Variants in ADCY5 observed in about 807,000 individuals in gnomAD.
ADCY5 encodes the protein adenylate cyclase 5.
In ADCY5, 30 loss-of-function variants were observed where a neutral mutation model predicts 119.7. The observed-to-expected ratio is 0.25, with a 90% confidence interval of 0.19 to 0.34. ADCY5 has a LOEUF of 0.34. ADCY5 is among the 10% of genes least tolerant of loss of function. The pLI is 1.00. For missense variants in ADCY5, 1,324 were observed against 1,775.2 expected (o/e 0.75, Z 4.57); for synonymous variants, 753 against 762.2 (o/e 0.99, Z 0.20).
At chr3:123,446,251 G>T (rs764340425) in intron 1 of ADCY5, among the ~76,000 whole-genome samples, 1 of 152,146 alleles carries the variant, frequency 6.6e-6, no homozygotes, top group Non-Finnish European at 1.5e-5. Context: ...AGAAAGATGC[G>T]GTACTCAAGA....
intron 1 of ADCY5, among the ~76,000 whole-genome samples, chr3:123,389,056 A>G (rs1465948762): frequency 6.6e-6 from 1 of 152,144 alleles, no homozygotes; most frequent in Admixed American, 6.5e-5. Context: ...CCAGAAGGAA[A>G]GAATGGAGGC....
intron 1 of ADCY5, among the ~76,000 whole-genome samples, chr3:123,365,274 C>T (rs546081638): frequency 2.6e-5 from 4 of 152,154 alleles, no homozygotes; most frequent in Non-Finnish European, 5.9e-5. Context: ...AATATTGTAA[C>T]GTAAGCATGT....
intron 1 of ADCY5, among the ~76,000 whole-genome samples, chr3:123,438,018 A>G (rs1428279668): frequency 1.3e-5 from 2 of 152,160 alleles, no homozygotes; most frequent in Non-Finnish European, 1.5e-5. Context: ...CAGTCTAAGC[A>G]ATTTCCTCCC....
chr3:123,364,034 G>A (rs1182164075), intron 1 of ADCY5, among the ~76,000 whole-genome samples: 1 of 152,116 alleles, frequency 6.6e-6, no homozygotes. Flanking sequence ...AAGTGGGGGA[G>A]AAAAAGAATA....
chr3:123,410,015 C>A (rs890990693), intron 1 of ADCY5, among the ~76,000 whole-genome samples: 2 of 152,210 alleles, frequency 1.3e-5, no homozygotes, highest in African/African-American at 2.4e-5. Context: ...CTCCCACACC[C>A]ACTTCCCCAA....
At position 123,330,916 on chromosome 3, in the gene ADCY5, A is replaced by G. The variant is rs1412057467; in HGVS notation, c.1619T>C (p.Met540Thr). 2 of 1,613,688 alleles carry G rather than the reference A, an allele frequency of 1.2e-6. No individual in the cohort carries two copies. The highest frequency in any genetic ancestry group is 1.7e-6 in the Non-Finnish European group (2 of 1,179,832). ...GATGGCCTCGATCATGTCCATGCCCATCTCCACACAGCAGTGGGCGTGGTC... is the reference window on the plus strand; with the variant it reads ...GATGGCCTCGATCATGTCCATGCCCGTCTCCACACAGCAGTGGGCGTGGTC... Reference protein sequence around the residue: ...RADHAHCCVEMGMDMIEAISL... With the variant: ...RADHAHCCVETGMDMIEAISL... The change falls in exon 5 of 21, where the codon ATG becomes ACG. Residue 540 changes from methionine (M) to threonine (T), a missense_variant. This residue lies in a region of ADCY5 where 123 missense variants were observed against 287.9 expected (regional missense o/e 0.43). Coordinates refer to ENST00000462833, the MANE Select transcript of ADCY5 (RefSeq NM_183357.3).
Position 123,370,176 on chromosome 3 carries a change from A to T in ADCY5, c.1135-17595T>A, listed in dbSNP as rs528115122. On this transcript the variant is annotated intron_variant, in intron 1 of 20. Coordinates refer to ENST00000462833, the MANE Select transcript of ADCY5 (RefSeq NM_183357.3). ...ATTTGCAGACTCACCTGCCCTGCAT[A>T]CTCTCTAGGCCCCTGGAAATATATT... Among the ~76,000 whole-genome samples, 24 of 152,174 alleles carry T rather than the reference A, an allele frequency of 1.6e-4. 1 individual carries two copies. The South Asian group carries it at 4.8e-3, about 30-fold the overall frequency.
At chr3:123,353,227 C>T (rs1942905922) in intron 1 of ADCY5, among the ~76,000 whole-genome samples, 1 of 152,206 alleles carries the variant, frequency 6.6e-6, no homozygotes, top group Non-Finnish European at 1.5e-5. Context: ...CGCTCCCCAA[C>T]AACTGAGATG....
intron 1 of ADCY5, among the ~76,000 whole-genome samples, chr3:123,358,372 A>G (rs1559834623): frequency 6.6e-6 from 1 of 152,224 alleles, no homozygotes. Context: ...TGGGAGGCCA[A>G]GGTGGGAATA....
At chr3:123,320,520 C>A (rs1941163484) in intron 9 of ADCY5, among the ~76,000 whole-genome samples, 1 of 152,326 alleles carries the variant, frequency 6.6e-6, no homozygotes, top group Admixed American at 6.5e-5. Context: ...ATAAAATGGG[C>A]AGTGCTGAGG....
chr3:123,381,847 T>C (rs1019146449), intron 1 of ADCY5, among the ~76,000 whole-genome samples: 1 of 152,148 alleles, frequency 6.6e-6, no homozygotes, highest in Non-Finnish European at 1.5e-5. Context: ...GGGCCTGTAC[T>C]CTCTTTTCAA....
chr3:123,318,726 C>T (rs1559801829), intron 10 of ADCY5, among the ~76,000 whole-genome samples: 2 of 152,182 alleles, frequency 1.3e-5, no homozygotes, highest in Admixed American at 6.5e-5. Context: ...TGGTTTAATG[C>T]TGATGAGCAT....
chr3:123,401,842 GGTC>G (rs1944763150), intron 1 of ADCY5, among the ~76,000 whole-genome samples: 1 of 152,116 alleles, frequency 6.6e-6, no homozygotes, highest in Non-Finnish European at 1.5e-5. Flanking sequence ...TCTCAGAAAG[GGTC>G]TTAGAAATAT....
rs770027937 is a variant in ADCY5 at position 123,447,900 on chromosome 3, A to G, written c.646T>C (p.Phe216Leu). 5 of 1,611,248 alleles carry G rather than the reference A, an allele frequency of 3.1e-6. No individual in the cohort carries two copies. In the South Asian group the frequency reaches 3.3e-5, roughly 11 times the overall value. ...GACCLALLQI[F>L]RSKKFPSDKL... ...TCCGACGGGAACTTCTTGGAGCGGA[A>G]TATCTGCAGCAACGCCAGGCAGCAG... Residue 216 changes from phenylalanine to leucine, a missense_variant, in exon 1 of 21, where the codon TTC (phenylalanine) becomes CTC (leucine). Coordinates refer to ENST00000462833, the MANE Select transcript of ADCY5 (RefSeq NM_183357.3).
intron 1 of ADCY5, among the ~76,000 whole-genome samples, chr3:123,395,470 G>A (rs1400226773): frequency 6.6e-5 from 10 of 152,118 alleles, no homozygotes; most frequent in Non-Finnish European, 7.4e-5. Flanking sequence ...CCTGTACACC[G>A]CCTCCTTGGC....
intron 3 of ADCY5, among the ~76,000 whole-genome samples, chr3:123,333,935 A>G (rs1941901378): frequency 6.6e-6 from 1 of 152,186 alleles, no homozygotes; most frequent in Non-Finnish European, 1.5e-5. Flanking sequence ...ACAGCCCGTC[A>G]GCGTCCCTGG....
chr3:123,320,783 G>C lies in ADCY5; in HGVS notation c.2089-12C>G. Reference sequence around the variant, plus strand: ...GGGTCTTCAAAGCCCTAGAAGAGAAGGATAGAAAGAGAAAGAGAAGAGAAT... The same window carrying C: ...GGGTCTTCAAAGCCCTAGAAGAGAACGATAGAAAGAGAAAGAGAAGAGAAT... On this transcript the variant is annotated splice_polypyrimidine_tract_variant and intron_variant, in intron 8 of 20. Coordinates refer to ENST00000462833, the MANE Select transcript of ADCY5 (RefSeq NM_183357.3). 6.3e-7 allele frequency: 1 copy of C among 1,588,444 alleles called. No homozygotes were observed. Among genetic ancestry groups the C allele is most frequent in the Non-Finnish European group, 8.6e-7 (1 of 1,158,238 alleles).
intron 3 of ADCY5, among the ~76,000 whole-genome samples, chr3:123,335,133 G>A (rs1281199286): frequency 1.3e-5 from 2 of 152,064 alleles, no homozygotes; most frequent in African/African-American, 4.8e-5. Context: ...GGAGTCCCAG[G>A]CAACTTGGGA....
At chr3:123,327,049 C>T (rs1247637416) in intron 7 of ADCY5, among the ~76,000 whole-genome samples, 1 of 152,120 alleles carries the variant, frequency 6.6e-6, no homozygotes. Flanking sequence ...TCTTGATTTG[C>T]TTTAAAAATT....
Sources: gnomAD v4.1 joint callset for allele counts (sites outside exome capture counted in the v4.1 genomes callset) on GRCh38, gnomAD v4.1.1 for gene constraint, gnomAD v4.1.1 regional missense constraint, MANE v1.5 for transcripts, NCBI Gene and HGNC (gene_info 2026-07-23, HGNC 2026-07-21) for gene names.